The following DNALI1 variants were observed in gnomAD, a reference collection of about 807,000 sequenced individuals.
DNALI1 encodes the protein axonemal dynein light intermediate polypeptide 1.
Under a neutral mutation model 33.9 loss-of-function variants are expected in DNALI1, and 31 were observed. The observed-to-expected ratio is 0.91, with a 90% CI of 0.69 to 1.23. DNALI1 has a LOEUF of 1.23. Among genes scored for constraint, DNALI1 ranks in the 50% most tolerant of loss-of-function variants. DNALI1 has a pLI of 0.00. For synonymous variants in DNALI1, 117 were observed against 129.2 expected (o/e 0.91, Z 0.64); for missense variants, 305 against 323.8 (o/e 0.94, Z 0.44).
In DNALI1 at chr1:37,559,440, AG is replaced by A. The variant is rs1643410238; in HGVS notation, c.343del (p.Ala115ProfsTer21). On this transcript the variant is annotated frameshift_variant, in exon 3 of 6. Coordinates refer to ENST00000652629, the MANE Select transcript of DNALI1 (RefSeq NM_003462.5). LOFTEE classifies it high-confidence loss of function. This position sits in a 1 kb window ranked among gnomAD's most constrained non-coding sequence, Gnocchi z 5.3. ...TTAGACTTAAAGCTGCAGCAGCGGC[AG>A]GCCAGGGAAACAGGCATCTGCCCTG... is the stretch of plus-strand genomic sequence containing the variant. The part of the protein sequence containing the change: ...EQLDLKLQQR[Q>X]ARETGICPVR... The A allele has an allele frequency of 6.2e-7, 1 of 1,613,320 alleles. No homozygotes were observed. Among genetic ancestry groups the A allele is most frequent in the Admixed American group, 1.7e-5 (1 of 59,982 alleles).
At chr1:37,557,547 T>C (rs72657795) in intron 1 of DNALI1, 56 bp from the exon 2 acceptor site, 110,692 of 1,572,924 alleles carry the variant, frequency 0.07, 4,396 homozygotes, top group Non-Finnish European at 0.082. Flanking sequence ...AGGTTGGGGA[T>C]GTGTGGAGCT....
Position 37,562,013 on chromosome 1 carries a change from T to C in DNALI1, c.577-68T>C. The C allele has an allele frequency of 6.2e-7, 1 of 1,604,644 alleles. No individual in the cohort carries two copies. Among genetic ancestry groups the C allele is most frequent in the Middle Eastern group, 1.8e-4 (1 of 5,684 alleles). ...TGGCAATGTCATGTCCCATGTCCCT[T>C]CCACCCAGGCTCACACCATTCCATT... On this transcript the variant is annotated intron_variant, in intron 4 of 5. Transcript: ENST00000652629. The surrounding 1 kb of genome is among the most constrained non-coding windows in gnomAD (Gnocchi z 5.8).
chr1:37,556,954 C>A lies in DNALI1; in HGVS notation c.-41C>A, dbSNP rs1330252977. 1.2e-6 allele frequency: 2 copies of A among 1,614,258 alleles called. No homozygotes were observed. Among genetic ancestry groups the A allele is most frequent in the South Asian group, 1.1e-5 (1 of 91,090 alleles). ...ATGGTGACGGCAAACAAGGCCCACA[C>A]TGGACAGGGCAGCTGCTGGGTTGCT... On this transcript the variant is annotated 5_prime_UTR_variant, in exon 1 of 6. It adds an upstream start codon to the 5' untranslated region. Transcript: ENST00000652629.
At chr1:37,557,118 G>A (rs377168206) in intron 1 of DNALI1, 43 bp downstream of exon 1, 1 of 1,613,480 alleles carries the variant, frequency 6.2e-7, no homozygotes, top group African/African-American at 1.3e-5. Context: ...TCGAAACTCC[G>A]ATAGGGAAAG....
intron 5 of DNALI1, among the ~76,000 whole-genome samples, chr1:37,564,648 T>C (rs1232647646): frequency 6.6e-6 from 1 of 152,182 alleles, no homozygotes; most frequent in African/African-American, 2.4e-5. Context: ...CCCAAAGTGC[T>C]GGGATTACAG....
rs751469709 is a variant in DNALI1 at position 37,562,066 on chromosome 1, G to T, written c.577-15G>T. ...CCTGGCGACATCCCAGGATGACTGG[G>T]CATTCTCTCCTCAGATCGCAGAATT... On this transcript the variant is annotated splice_polypyrimidine_tract_variant and intron_variant, in intron 4 of 5. Coordinates refer to ENST00000652629, the MANE Select transcript of DNALI1 (RefSeq NM_003462.5). This position sits in a 1 kb window ranked among gnomAD's most constrained non-coding sequence, Gnocchi z 5.8. 6.2e-7 allele frequency: 1 copy of T among 1,613,734 alleles called. No individual in the cohort carries two copies. Among genetic ancestry groups the T allele is most frequent in the South Asian group, 1.1e-5 (1 of 91,072 alleles).
Position 37,561,902 on chromosome 1 carries a change from C to A in DNALI1, c.576+167C>A. 2 of 1,345,340 alleles carry A rather than the reference C, an allele frequency of 1.5e-6. No homozygotes were observed. Among genetic ancestry groups the A allele is most frequent in the Non-Finnish European group, 2.0e-6 (2 of 988,856 alleles). 83.3% of individuals were successfully genotyped at this position (1,345,340 alleles called of 1,614,324 possible). ...AGGGACCCCTGGTTGAGTATGATGG[C>A]CAGCCTGGTGGTCTTGGCAGAGTTG... On this transcript the variant is annotated intron_variant, in intron 4 of 5. Transcript: ENST00000652629. The surrounding 1 kb of genome is among the most constrained non-coding windows in gnomAD (Gnocchi z 4.6).
At position 37,559,448 on chromosome 1, in the gene DNALI1, G is replaced by T; in HGVS notation, c.349G>T (p.Glu117Ter). The change falls in exon 3 of 6, where the codon GAA (glutamate) becomes TAA (stop). Residue 117 changes from glutamate (E) to a stop codon, truncating the protein, a stop_gained. Transcript: ENST00000652629. LOFTEE classifies it high-confidence loss of function. This position sits in a 1 kb window ranked among gnomAD's most constrained non-coding sequence, Gnocchi z 5.3. The stretch of plus-strand genomic sequence containing the variant: ...AAAGCTGCAGCAGCGGCAGGCCAGG[G>T]AAACAGGCATCTGCCCTGTCCGCAG... ...DLKLQQRQAR[E>*]TGICPVRREL... The T allele has an allele frequency of 6.2e-7, 1 of 1,613,386 alleles. No individual in the cohort carries two copies. Among genetic ancestry groups the T allele is most frequent in the Admixed American group, 1.7e-5 (1 of 59,984 alleles).
Position 37,561,483 on chromosome 1 carries a change from G to A in DNALI1, c.398-74G>A. 5 of 1,539,008 alleles carry A rather than the reference G, an allele frequency of 3.2e-6. No individual in the cohort carries two copies. The highest frequency in any genetic ancestry group is 1.2e-5 in the South Asian group (1 of 82,130). On this transcript the variant is annotated intron_variant, in intron 3 of 5. Coordinates refer to ENST00000652629, the MANE Select transcript of DNALI1 (RefSeq NM_003462.5). The surrounding 1 kb of genome is among the most constrained non-coding windows in gnomAD (Gnocchi z 4.6). ...CCCTAATGTCCTTCCCAAGAGGAAG[G>A]GTGTTTGCAGTAGACATACTGCAAG... is the stretch of plus-strand genomic sequence containing the variant.
At position 37,561,849 on chromosome 1, in the gene DNALI1, C is replaced by T. The variant is rs1399885093; in HGVS notation, c.576+114C>T. On this transcript the variant is annotated intron_variant, in intron 4 of 5. Transcript: ENST00000652629. This position sits in a 1 kb window ranked among gnomAD's most constrained non-coding sequence, Gnocchi z 4.6. ...TCCTAAGGTGCTCTGCTGACAGTCA[C>T]GACACCTGGACTTGCATCACCTCAG... The T allele has an allele frequency of 2.8e-6, 4 of 1,433,300 alleles. No homozygotes were observed. Among genetic ancestry groups the T allele is most frequent in the Non-Finnish European group, 3.8e-6 (4 of 1,061,660 alleles). The allele number at this position is 1,433,300 out of a possible 1,614,324, so 88.8% of individuals were successfully genotyped here. A position where few individuals can be genotyped will look rare whatever the true frequency, so the allele number is the denominator to read the frequency against.
rs1003389648 is a variant in DNALI1 at position 37,556,982 on chromosome 1, T to C, written c.-13T>C. On this transcript the variant is annotated 5_prime_UTR_variant, in exon 1 of 6. Coordinates refer to ENST00000652629, the MANE Select transcript of DNALI1 (RefSeq NM_003462.5). ...GACAGGGCAGCTGCTGGGTTGCTAC[T>C]CTCGCCTCCGCCATGATTCCGCCCG... 6.2e-7 allele frequency: 1 copy of C among 1,614,176 alleles called. No individual in the cohort carries two copies. The highest frequency in any genetic ancestry group is 1.3e-5 in the African/African-American group (1 of 75,048).
At chr1:37,558,865 G>C (rs139067910) in intron 2 of DNALI1, among the ~76,000 whole-genome samples, 74 of 152,332 alleles carry the variant, frequency 4.9e-4, no homozygotes, top group South Asian at 1.9e-3. Context: ...AGGCTATGAG[G>C]AAAAGGGAAA....
chr1:37,564,515 T>G (rs536097104), intron 5 of DNALI1, among the ~76,000 whole-genome samples: 42 of 152,170 alleles, frequency 2.8e-4, no homozygotes, highest in African/African-American at 9.6e-4. Context: ...CTGGAGTAGC[T>G]GGGACTACAG....
At position 37,557,013 on chromosome 1, in the gene DNALI1, T is replaced by C. The variant is rs1643378691; in HGVS notation, c.19T>C (p.Ser7Pro). The C allele has an allele frequency of 2.5e-6, 4 of 1,614,054 alleles. No individual in the cohort carries two copies. The highest frequency in any genetic ancestry group is 3.4e-6 in the Non-Finnish European group (4 of 1,180,044). Residue 7 changes from serine to proline, a missense_variant, in exon 1 of 6, where the codon TCT becomes CCT. Physicochemically the swap from Ser to Pro is moderately conservative, Grantham distance 74 (BLOSUM62 -1). Transcript: ENST00000652629. Reference protein sequence around the residue: MIPPADSLLKYDTPVLV... With the variant: MIPPADPLLKYDTPVLV... ...CTCCGCCATGATTCCGCCCGCAGAC[T>C]CTTTGCTCAAGTACGACACCCCAGT...
intron 3 of DNALI1, chr1:37,560,682 A>C (rs534189021): frequency 6.6e-6 from 1 of 152,352 alleles, no homozygotes; most frequent in East Asian, 1.9e-4. Context: ...CGCCTCTTCT[A>C]CAAGTCCTCC....
At position 37,564,065 on chromosome 1, in the gene DNALI1, T is replaced by A. The variant is rs554636118; in HGVS notation, c.742-961T>A. On this transcript the variant is annotated intron_variant, in intron 5 of 5. Transcript: ENST00000652629. ...CCTGGCCAACGTGGTGAAACCCATT[T>A]CTACTAAAAATACAAAAAGTAGCTG... is the stretch of plus-strand genomic sequence containing the variant. Among the ~76,000 whole-genome samples, 11 of 151,900 alleles carry A rather than the reference T, an allele frequency of 7.2e-5. No individual in the cohort carries two copies. The South Asian group carries it at 2.3e-3, about 32-fold the overall frequency.
Position 37,559,287 on chromosome 1 carries a change from A to G in DNALI1, c.228-40A>G. Reference sequence around the variant, plus strand: ...TCTGCTCATGTGCTAGGGACCTTCAAGTCAACGGGTTTTGCTCAGCCTCGC... The same window carrying G: ...TCTGCTCATGTGCTAGGGACCTTCAGGTCAACGGGTTTTGCTCAGCCTCGC... On this transcript the variant is annotated intron_variant, in intron 2 of 5. Coordinates refer to ENST00000652629, the MANE Select transcript of DNALI1 (RefSeq NM_003462.5). This position sits in a 1 kb window ranked among gnomAD's most constrained non-coding sequence, Gnocchi z 5.3. The G allele has an allele frequency of 6.5e-7, 1 of 1,540,212 alleles. No individual in the cohort carries two copies. The highest frequency in any genetic ancestry group is 8.8e-7 in the Non-Finnish European group (1 of 1,140,452).
chr1:37,557,922 C>A (rs1274823745), intron 2 of DNALI1, 174 bp downstream of exon 2: 3 of 804,782 alleles, frequency 3.7e-6, no homozygotes, highest in Non-Finnish European at 5.7e-6. Context: ...GAGACCTCTT[C>A]TCAATCTACC....
chr1:37,564,948 A>C, intron 5 of DNALI1, 78 bp from the exon 6 acceptor site: 4 of 1,473,290 alleles, frequency 2.7e-6, no homozygotes, highest in Non-Finnish European at 3.8e-6. Context: ...TCTTCTTCCC[A>C]GAGATTTGAT....
Sources: allele counts gnomAD v4.1 joint callset (sites outside exome capture counted in the v4.1 genomes callset), GRCh38; gene constraint gnomAD v4.1.1; non-coding constraint Gnocchi (gnomAD v3.1); transcripts MANE v1.5; gene names NCBI Gene and HGNC (gene_info 2026-07-23, HGNC 2026-07-21).